Variants in TRPC6 observed in about 807,000 individuals in gnomAD.
TRPC6 encodes the protein short transient receptor potential channel 6.
TRPC6 carries 55 observed loss-of-function variants against 90.7 expected under a neutral mutation model. The ratio of observed to expected loss-of-function variants is 0.61; its 90% confidence interval spans 0.49 to 0.76. TRPC6 has a LOEUF of 0.76. TRPC6 is among the 30% of genes least tolerant of loss of function. The pLI is 0.00. For synonymous variants in TRPC6, 393 were observed against 393.0 expected, an observed-to-expected ratio of 1.00 and a Z score of 0.00; for missense variants, 989 against 1,122.7, an observed-to-expected ratio of 0.88 and a Z score of 1.70.
intron 1 of TRPC6, among the ~76,000 whole-genome samples, chr11:101,513,091 A>G (rs1367050610): frequency 6.6e-6 from 1 of 152,208 alleles, no homozygotes; most frequent in African/African-American, 2.4e-5. Context: ...GAACAGGATA[A>G]CCATAAGACA....
At position 101,453,684 on chromosome 11, in the gene TRPC6, G is replaced by A; in HGVS notation, c.2610C>T (p.Ala870=). 1 of 1,613,726 alleles carries A rather than the reference G, an allele frequency of 6.2e-7. No individual in the cohort carries two copies. ...KRLIKRYVLQ[A]QIDKESDEVN... is the part of the protein sequence containing the mutation. Reference sequence around the variant, plus strand: ...CTTCATCACTCTCCTTATCTATCTGGGCCTGCAGTACATATCTTTTAATGA... The same window carrying A: ...CTTCATCACTCTCCTTATCTATCTGAGCCTGCAGTACATATCTTTTAATGA... The change falls in exon 12 of 13, where the codon GCC becomes GCT. Residue 870 remains alanine (A), a synonymous_variant. Transcript: ENST00000344327.
chr11:101,474,157 G>A (rs934234982), intron 6 of TRPC6, among the ~76,000 whole-genome samples: 24 of 152,126 alleles, frequency 1.6e-4, no homozygotes, highest in East Asian at 3.8e-4. Context: ...TCTTGTCTTC[G>A]TGAGAATTCA....
intron 1 of TRPC6, among the ~76,000 whole-genome samples, chr11:101,575,782 T>C (rs1565253459): frequency 6.6e-6 from 1 of 152,170 alleles, no homozygotes; most frequent in Admixed American, 6.5e-5. Context: ...ATTACTGCTA[T>C]TTATGCCCTT....
intron 1 of TRPC6, among the ~76,000 whole-genome samples, chr11:101,528,236 A>G (rs190564116): frequency 6.6e-6 from 1 of 152,350 alleles, no homozygotes; most frequent in Admixed American, 6.5e-5. Context: ...TTAGTGGAGT[A>G]TTATCTAATC....
intron 2 of TRPC6, among the ~76,000 whole-genome samples, chr11:101,492,374 A>G (rs984088858): frequency 1.3e-5 from 2 of 152,144 alleles, no homozygotes; most frequent in African/African-American, 4.8e-5. Flanking sequence ...GCTTGAGCCC[A>G]GAAGTTGGAG....
At chr11:101,532,016 G>T (rs1461397901) in intron 1 of TRPC6, among the ~76,000 whole-genome samples, 1 of 152,186 alleles carries the variant, frequency 6.6e-6, no homozygotes, top group East Asian at 1.9e-4. Context: ...GGCACAGTTA[G>T]ATGGACAGGG....
chr11:101,534,254 G>A (rs921313061), intron 1 of TRPC6, among the ~76,000 whole-genome samples: 3 of 152,078 alleles, frequency 2.0e-5, no homozygotes, highest in African/African-American at 7.2e-5. Context: ...TGCTACTTCA[G>A]CCTCCTGAGT....
intron 1 of TRPC6, among the ~76,000 whole-genome samples, chr11:101,543,764 C>T (rs1591124312): frequency 6.6e-6 from 1 of 152,074 alleles, no homozygotes; most frequent in South Asian, 2.1e-4. Flanking sequence ...AATGTAAGAA[C>T]TAAAACCATA....
intron 1 of TRPC6, among the ~76,000 whole-genome samples, chr11:101,582,915 T>G (rs2136908486): frequency 6.6e-6 from 1 of 151,826 alleles, no homozygotes; most frequent in Middle Eastern, 3.4e-3. Flanking sequence ...TAGTCATCTC[T>G]CCCCCACATA....
chr11:101,472,354 A>T, intron 7 of TRPC6, 22 bp from the exon 8 acceptor site: 1 of 1,601,806 alleles, frequency 6.2e-7, no homozygotes, highest in South Asian at 1.1e-5. Flanking sequence ...ATAACAGAAG[A>T]AAAGAAATAA....
chr11:101,508,803 A>C (rs1435244307), intron 1 of TRPC6, among the ~76,000 whole-genome samples: 8 of 152,156 alleles, frequency 5.3e-5, no homozygotes, highest in African/African-American at 1.9e-4. Flanking sequence ...TAACTAAAAA[A>C]ATGACACAAA....
intron 6 of TRPC6, among the ~76,000 whole-genome samples, chr11:101,474,056 G>A (rs1159656482): frequency 2.6e-5 from 4 of 152,158 alleles, no homozygotes; most frequent in South Asian, 2.1e-4. Context: ...ATGTATGTAC[G>A]CACACACACG....
At chr11:101,564,045 C>T (rs1861774523) in intron 1 of TRPC6, among the ~76,000 whole-genome samples, 1 of 151,482 alleles carries the variant, frequency 6.6e-6, no homozygotes, top group Non-Finnish European at 1.5e-5. Context: ...AGTAAAGAAT[C>T]CAATGTGAGA....
intron 1 of TRPC6, among the ~76,000 whole-genome samples, chr11:101,564,742 A>G (rs902814258): frequency 6.6e-5 from 10 of 152,116 alleles, no homozygotes; most frequent in South Asian, 6.2e-4. Context: ...CAGAACAACA[A>G]GAGAATCCAA....
intron 1 of TRPC6, among the ~76,000 whole-genome samples, chr11:101,526,666 G>C (rs1042741840): frequency 6.6e-6 from 1 of 151,676 alleles, no homozygotes; most frequent in Non-Finnish European, 1.5e-5. Flanking sequence ...TGTGAGACCA[G>C]TGTGGCCAAC....
At chr11:101,506,191 A>C (rs1263973172) in intron 1 of TRPC6, among the ~76,000 whole-genome samples, 1 of 148,018 alleles carries the variant, frequency 6.8e-6, no homozygotes, top group Non-Finnish European at 1.5e-5. Context: ...AACCCAAAGA[A>C]GGCATGTTTT....
intron 1 of TRPC6, among the ~76,000 whole-genome samples, chr11:101,526,631 G>C (rs928177743): frequency 6.6e-6 from 1 of 151,892 alleles, no homozygotes; most frequent in African/African-American, 2.4e-5. Flanking sequence ...GGGAGGCCGA[G>C]GCAGGCAGAT....
At chr11:101,508,592 C>T (rs538307376) in intron 1 of TRPC6, among the ~76,000 whole-genome samples, 2 of 152,070 alleles carry the variant, frequency 1.3e-5, no homozygotes, top group South Asian at 4.1e-4. Flanking sequence ...CTCTTATCTT[C>T]TGTATTTATT....
chr11:101,503,597 C>G (rs570577310), intron 2 of TRPC6, among the ~76,000 whole-genome samples: 1 of 152,306 alleles, frequency 6.6e-6, no homozygotes, highest in South Asian at 2.1e-4. Flanking sequence ...TCAACAGCAT[C>G]TATCACTGTG....
Sources: allele counts gnomAD v4.1 joint callset (sites outside exome capture counted in the v4.1 genomes callset), GRCh38; gene constraint gnomAD v4.1.1; transcripts MANE v1.5; gene names NCBI Gene and HGNC (gene_info 2026-07-23, HGNC 2026-07-21).